Variants in NPRL3 observed in about 807,000 individuals in gnomAD.
NPRL3 encodes GATOR1 complex protein NPRL3.
NPRL3 carries 23 observed loss-of-function variants against 57.2 expected under a neutral mutation model. That is an observed-to-expected ratio of 0.40 (90% CI 0.29 to 0.57). NPRL3 has a LOEUF of 0.57. Among genes scored for constraint, NPRL3 ranks in the 20% least tolerant of loss-of-function variants. The pLI, the probability that NPRL3 is intolerant of heterozygous loss-of-function variation, is 0.42. For missense variants in NPRL3, 691 were observed against 767.1 expected (o/e 0.90, Z 1.17); for synonymous variants, 333 against 321.1 (o/e 1.04, Z -0.39).
Position 134,724 on chromosome 16 carries a change from C to T in NPRL3, c.118+3426G>A, listed in dbSNP as rs1334862465. ...TTTTTTTTTTTTTTTTTTTTTGAGA[C>T]GGAGTCTCGCTCTGTCGCCCAGGCT... On this transcript the variant is annotated intron_variant, in intron 2 of 13. Transcript: ENST00000611875. Among the ~76,000 whole-genome samples, 6 of 105,648 alleles carry T rather than the reference C, an allele frequency of 5.7e-5. No homozygotes were observed. The East Asian group carries it at 1.7e-3, about 31-fold the overall frequency. The allele number at this position is 105,648 out of a possible 152,430, so 69.3% of individuals were successfully genotyped here. A position where few individuals can be genotyped will look rare whatever the true frequency, so the allele number is the denominator to read the frequency against.
intron 3 of NPRL3, chr16:126,086 A>G (rs1900501245): frequency 6.6e-6 from 1 of 152,236 alleles, no homozygotes; most frequent in Admixed American, 6.5e-5. Flanking sequence ...AATTAAAGGC[A>G]GAGCTGGTAG....
At chr16:88,053 G>A (rs1898576584) in intron 13 of NPRL3, among the ~76,000 whole-genome samples, 1 of 152,110 alleles carries the variant, frequency 6.6e-6, no homozygotes, top group African/African-American at 2.4e-5. Flanking sequence ...CTCAGTCCCT[G>A]ACAACCCGAC....
intron 6 of NPRL3, 32 bp downstream of exon 6, chr16:112,590 G>T: frequency 2.0e-6 from 3 of 1,506,874 alleles, no homozygotes; most frequent in South Asian, 2.6e-5. Flanking sequence ...AGCCAGCCCA[G>T]ACCCATGCCC....
At chr16:129,273 G>A (rs1410773116) in intron 3 of NPRL3, among the ~76,000 whole-genome samples, 1 of 152,194 alleles carries the variant, frequency 6.6e-6, no homozygotes. Flanking sequence ...CAGGTGGAGG[G>A]AGAACAGGAA....
At chr16:136,097 C>T (rs1355217424) in intron 2 of NPRL3, among the ~76,000 whole-genome samples, 1 of 152,120 alleles carries the variant, frequency 6.6e-6, no homozygotes, top group Non-Finnish European at 1.5e-5. Context: ...TCCCTTAGAC[C>T]CAACCATGCT....
chr16:94,435 A>G (rs1046969401), intron 9 of NPRL3, among the ~76,000 whole-genome samples: 4 of 152,200 alleles, frequency 2.6e-5, no homozygotes, highest in Non-Finnish European at 4.4e-5. Flanking sequence ...TGCTGAGGAC[A>G]CTTATACCTC....
chr16:110,354 A>G (rs956348099), intron 7 of NPRL3, among the ~76,000 whole-genome samples, 171 bp downstream of exon 7: 1 of 152,218 alleles, frequency 6.6e-6, no homozygotes, highest in Non-Finnish European at 1.5e-5. Context: ...GAGCAGCCAC[A>G]TGACCATCCC....
intron 6 of NPRL3, among the ~76,000 whole-genome samples, chr16:111,990 G>A (rs143896999): frequency 6.6e-6 from 1 of 152,318 alleles, no homozygotes; most frequent in East Asian, 1.9e-4. Context: ...AACACTCAAT[G>A]TTCTGTCTGC....
intron 3 of NPRL3, among the ~76,000 whole-genome samples, chr16:129,384 C>G (rs368250207): frequency 2.7e-4 from 41 of 152,148 alleles, no homozygotes; most frequent in African/African-American, 8.4e-4. Flanking sequence ...CCACAGGCCT[C>G]TACATCAAAA....
intron 7 of NPRL3, among the ~76,000 whole-genome samples, chr16:107,247 C>T (rs139328722): frequency 9.2e-5 from 14 of 152,294 alleles, no homozygotes; most frequent in African/African-American, 2.2e-4. Flanking sequence ...TGAGCTCCTC[C>T]GCAGCCTGCA....
chr16:95,344 T>TACACAC (rs1188043170), intron 9 of NPRL3, among the ~76,000 whole-genome samples: 64 of 59,336 alleles, frequency 1.1e-3, no homozygotes, highest in Middle Eastern at 8.8e-3. Flanking sequence ...TATATATATA[T>TACACAC]ATATATACAC....
At chr16:105,421 A>G (rs1899483037) in intron 7 of NPRL3, among the ~76,000 whole-genome samples, 1 of 152,152 alleles carries the variant, frequency 6.6e-6, no homozygotes, top group African/African-American at 2.4e-5. Context: ...GCATAACCCA[A>G]AAGATCTATG....
chr16:106,387 C>T (rs1272182403), intron 7 of NPRL3, among the ~76,000 whole-genome samples: 1 of 152,014 alleles, frequency 6.6e-6, no homozygotes, highest in Non-Finnish European at 1.5e-5. Context: ...AATCCCAGCA[C>T]TTTGGGAGGC....
intron 2 of NPRL3, 139 bp downstream of exon 2, chr16:138,011 C>G: frequency 1.6e-6 from 1 of 617,256 alleles, no homozygotes; most frequent in Non-Finnish European, 2.8e-6. Context: ...TTTCCTTTTT[C>G]TACTTTTCAA....
intron 3 of NPRL3, among the ~76,000 whole-genome samples, chr16:119,743 G>T (rs1302218577): frequency 6.6e-6 from 1 of 152,240 alleles, no homozygotes; most frequent in Non-Finnish European, 1.5e-5. Context: ...AGTGCACAGG[G>T]ATGCGTGCAG....
At chr16:95,370 C>T (rs1898959915) in intron 9 of NPRL3, among the ~76,000 whole-genome samples, 4 of 147,184 alleles carry the variant, frequency 2.7e-5, no homozygotes, top group Non-Finnish European at 6.0e-5. Context: ...CACACACACA[C>T]ACACACACAC....
At chr16:107,645 T>C (rs576390325) in intron 7 of NPRL3, among the ~76,000 whole-genome samples, 54 of 151,818 alleles carry the variant, frequency 3.6e-4, no homozygotes, top group African/African-American at 1.1e-3. Context: ...GTCAATGGTT[T>C]GGTTTTTATT....
At chr16:102,391 T>A (rs560150164) in intron 7 of NPRL3, among the ~76,000 whole-genome samples, 1 of 152,284 alleles carries the variant, frequency 6.6e-6, no homozygotes, top group East Asian at 1.9e-4. Context: ...CACCTACTCT[T>A]GTCAAGGCCT....
rs766369663 is a variant in NPRL3 at position 138,141 on chromosome 16, C to T, written c.118+9G>A. The T allele has an allele frequency of 6.9e-6, 11 of 1,588,816 alleles. No individual in the cohort carries two copies. The Admixed American group carries it at 1.4e-4, about 20-fold the overall frequency. ...GCGAGCGCCAGGCCCCCGCCCAGCG[C>T]TCACTTACTTGTCTGGGACGCCGGG... On this transcript the variant is annotated intron_variant, in intron 2 of 13. Coordinates refer to ENST00000611875, the MANE Select transcript of NPRL3 (RefSeq NM_001077350.3).
Sources: gnomAD v4.1 joint callset for allele counts (sites outside exome capture counted in the v4.1 genomes callset) on GRCh38, gnomAD v4.1.1 for gene constraint, MANE v1.5 for transcripts, NCBI Gene and HGNC (gene_info 2026-07-23, HGNC 2026-07-21) for gene names.